Variants in GANAB observed in about 807,000 individuals in gnomAD.
GANAB encodes neutral alpha-glucosidase AB.
In GANAB, 35 loss-of-function variants were observed where a neutral mutation model predicts 129.9. The ratio of observed to expected loss-of-function variants is 0.27; its 90% CI spans 0.21 to 0.36. The LOEUF (loss-of-function observed/expected upper bound fraction) is 0.36, where lower values mean the gene tolerates loss of function less well. Ranked by LOEUF, GANAB falls within the 10% of genes least tolerant of loss-of-function variation. The pLI, the probability that GANAB is intolerant of heterozygous loss-of-function variation, is 1.00. For synonymous variants in GANAB, 482 were observed against 451.8 expected (o/e 1.07, Z -0.85); for missense variants, 939 against 1,221.0 (o/e 0.77, Z 3.44).
At chr11:62,644,502 T>C (rs1005506458) in intron 1 of GANAB, among the ~76,000 whole-genome samples, 3 of 151,566 alleles carry the variant, frequency 2.0e-5, no homozygotes, top group Non-Finnish European at 4.4e-5. Flanking sequence ...GTGCCTGTAG[T>C]CCCAGCTAAT....
chr11:62,639,741 A>G lies in GANAB; in HGVS notation c.39-10T>C. 1.3e-6 allele frequency: 2 copies of G among 1,590,822 alleles called. No individual in the cohort carries two copies. Among genetic ancestry groups the G allele is most frequent in the Admixed American group, 1.7e-5 (1 of 59,998 alleles). Reference sequence around the variant, plus strand: ...CAAAGACGCCCAAGACCTAAGGAGAAAAGGACAAAGACAGAGCAATCAGCA... The same window carrying G: ...CAAAGACGCCCAAGACCTAAGGAGAGAAGGACAAAGACAGAGCAATCAGCA... On this transcript the variant is annotated splice_polypyrimidine_tract_variant and intron_variant, in intron 1 of 23. Transcript: ENST00000356638.
At chr11:62,627,180 C>CTA in intron 18 of GANAB, 56 bp from the exon 19 acceptor site, 1 of 1,498,662 alleles carries the variant, frequency 6.7e-7, no homozygotes, top group Non-Finnish European at 9.3e-7. Flanking sequence ...GAACAGGGAA[C>CTA]ACCAAAGTGC....
intron 1 of GANAB, among the ~76,000 whole-genome samples, chr11:62,642,096 C>G (rs1944296930): frequency 1.3e-5 from 2 of 151,958 alleles, no homozygotes; most frequent in Admixed American, 1.3e-4. Flanking sequence ...CCTGTAATCC[C>G]AGCTATTCAG....
At position 62,626,258 on chromosome 11, in the gene GANAB, G is replaced by C. The variant is rs148970599; in HGVS notation, c.2624+77C>G. The C allele has an allele frequency of 8.7e-5, 116 of 1,332,668 alleles. No homozygotes were observed. The East Asian group carries it at 2.6e-3, about 30-fold the overall frequency. The allele number at this position is 1,332,668 out of a possible 1,614,324, so 82.6% of individuals were successfully genotyped here. A position where few individuals can be genotyped will look rare whatever the true frequency, so the allele number is the denominator to read the frequency against. On this transcript the variant is annotated intron_variant, in intron 22 of 23. Coordinates refer to ENST00000356638, the MANE Select transcript of GANAB (RefSeq NM_198334.3). ...AAAGCAAGGTCAGAATGTGAGAAAAGAGCACAGTGAACTGGGAGCCCCCAC... is the reference window on the plus strand; with the variant it reads ...AAAGCAAGGTCAGAATGTGAGAAAACAGCACAGTGAACTGGGAGCCCCCAC...
chr11:62,628,727 GC>G (rs1565092076), intron 17 of GANAB, 41 bp downstream of exon 17: 1 of 1,600,150 alleles, frequency 6.2e-7, no homozygotes, highest in Non-Finnish European at 8.6e-7. Context: ...AATACCCCCA[GC>G]CACCTCAGCC....
chr11:62,628,732 C>A, intron 17 of GANAB, 37 bp downstream of exon 17: 1 of 1,604,070 alleles, frequency 6.2e-7, no homozygotes, highest in Non-Finnish European at 8.5e-7. Context: ...CCCCAGCCAC[C>A]TCAGCCCACT....
At position 62,625,136 on chromosome 11, in the gene GANAB, T is replaced by C. The variant is rs1282259372; in HGVS notation, c.*679A>G. ...AGTTTAATGCGCATCCCCTAAGAGGTGTGGAAACGTCTTTCTGCCGAGGGA... is the reference window on the plus strand; with the variant it reads ...AGTTTAATGCGCATCCCCTAAGAGGCGTGGAAACGTCTTTCTGCCGAGGGA... On this transcript the variant is annotated 3_prime_UTR_variant, in exon 24 of 24. Coordinates refer to ENST00000356638, the MANE Select transcript of GANAB (RefSeq NM_198334.3). 6.7e-6 allele frequency: 3 copies of C among 447,026 alleles called. No individual in the cohort carries two copies. The highest frequency in any genetic ancestry group is 2.0e-5 in the African/African-American group (1 of 49,758). 27.7% of individuals were successfully genotyped at this position (447,026 alleles called of 1,614,324 possible).
At chr11:62,644,227 A>G (rs888393046) in intron 1 of GANAB, among the ~76,000 whole-genome samples, 8 of 152,066 alleles carry the variant, frequency 5.3e-5, no homozygotes, top group Non-Finnish European at 1.0e-4. Context: ...TACAGGTGTG[A>G]GCCATCGTGC....
Position 62,639,398 on chromosome 11 carries a change from A to C in GANAB, c.213T>G (p.Pro71=), listed in dbSNP as rs1479890102. 6.2e-7 allele frequency: 1 copy of C among 1,612,988 alleles called. No individual in the cohort carries two copies. The highest frequency in any genetic ancestry group is 8.5e-7 in the Non-Finnish European group (1 of 1,179,308). ...GGATCAGATGGACCGTGAGGGAATC[A>C]GGACCAAGCTGTAGAGAGTCCAGCA... ...RALLDSLQLG[P]DSLTVHLIHE... is the part of the protein sequence containing the mutation. Residue 71 remains proline (P), a synonymous_variant, in exon 3 of 24, where the codon CCT becomes CCG. Coordinates refer to ENST00000356638, the MANE Select transcript of GANAB (RefSeq NM_198334.3).
chr11:62,629,037 G>A (rs769999728), intron 16 of GANAB, 25 bp from the exon 17 acceptor site: 1 of 1,608,682 alleles, frequency 6.2e-7, no homozygotes. Context: ...AGAGGAAGCA[G>A]GTTGGAAAAG....
chr11:62,636,334 C>G (rs750695752), intron 4 of GANAB, among the ~76,000 whole-genome samples: 2 of 151,958 alleles, frequency 1.3e-5, no homozygotes, highest in Non-Finnish European at 2.9e-5. Flanking sequence ...GGCTCGGTGG[C>G]CCACTATTGT....
chr11:62,640,023 CAG>C, intron 1 of GANAB: 1 of 317,378 alleles, frequency 3.2e-6, no homozygotes, highest in Non-Finnish European at 6.0e-6. Flanking sequence ...ATCACGAGGT[CAG>C]GAGATCAAGA....
chr11:62,640,264 T>C (rs1195928376), intron 1 of GANAB, among the ~76,000 whole-genome samples: 2 of 98,482 alleles, frequency 2.0e-5, no homozygotes, highest in South Asian at 3.8e-4. Context: ...CCAGGCGCGG[T>C]GGCTCACGCC....
intron 9 of GANAB, 51 bp downstream of exon 9, chr11:62,632,514 C>T (rs1311190974): frequency 6.9e-7 from 1 of 1,459,652 alleles, no homozygotes; most frequent in Non-Finnish European, 9.6e-7. Flanking sequence ...CTATTTGCCT[C>T]AAGGCCTGGA....
intron 4 of GANAB, among the ~76,000 whole-genome samples, chr11:62,636,177 G>A (rs1362241271): frequency 1.3e-5 from 2 of 151,430 alleles, no homozygotes; most frequent in Non-Finnish European, 2.9e-5. Flanking sequence ...TTTCAGTAGA[G>A]ACGGGGTTTC....
intron 4 of GANAB, among the ~76,000 whole-genome samples, chr11:62,636,947 T>A (rs915962783): frequency 2.6e-5 from 4 of 151,792 alleles, no homozygotes; most frequent in African/African-American, 9.7e-5. Flanking sequence ...ATATATATAT[T>A]TTTTTCTGAC....
At chr11:62,627,937 C>T (rs1472833243) in intron 17 of GANAB, among the ~76,000 whole-genome samples, 2 of 152,224 alleles carry the variant, frequency 1.3e-5, no homozygotes, top group Admixed American at 6.5e-5. Flanking sequence ...GCATGTTTCA[C>T]CGCCCTGGCT....
chr11:62,642,646 G>A (rs373465878), intron 1 of GANAB, among the ~76,000 whole-genome samples: 3 of 152,028 alleles, frequency 2.0e-5, no homozygotes, highest in Admixed American at 6.6e-5. Flanking sequence ...ATGTTGGCCA[G>A]GCTCGTATCG....
chr11:62,629,553 AC>A, intron 15 of GANAB, 34 bp downstream of exon 15: 1 of 1,415,724 alleles, frequency 7.1e-7, no homozygotes. Context: ...TGGCCTTCAC[AC>A]CCTTCTGCCA....
Sources: gnomAD v4.1 joint callset for allele counts (sites outside exome capture counted in the v4.1 genomes callset) on GRCh38, gnomAD v4.1.1 for gene constraint, MANE v1.5 for transcripts, NCBI Gene and HGNC (gene_info 2026-07-23, HGNC 2026-07-21) for gene names.